Variants in GRIA1 observed in about 807,000 individuals in gnomAD.
The protein encoded by GRIA1 is glutamate receptor 1.
A neutral mutation model predicts 99.2 loss-of-function variants in GRIA1; 31 were observed. The observed-to-expected ratio is 0.31, with a 90% CI of 0.23 to 0.42. The LOEUF is 0.42. GRIA1 is among the 10% of genes least tolerant of loss of function. The probability of loss-of-function intolerance (pLI) is 1.00; values close to 1 mark genes in which losing one functional copy is unlikely to be tolerated. For missense variants in GRIA1, 782 were observed against 1,157.5 expected (o/e 0.68, Z 4.71); for synonymous variants, 438 against 432.4 (o/e 1.01, Z -0.16).
chr5:153,669,716 G>A (rs2149480177), intron 5 of GRIA1, among the ~76,000 whole-genome samples: 1 of 152,278 alleles, frequency 6.6e-6, no homozygotes, highest in Non-Finnish European at 1.5e-5. Flanking sequence ...CTTCATAGAA[G>A]TAACTATTTT....
At position 153,674,507 on chromosome 5, in the gene GRIA1, T is replaced by C. The variant is rs139835449; in HGVS notation, c.707T>C (p.Met236Thr). ...CTCCTCCCCCTCTCACAGGGCTTCA[T>C]GGACATTGACTTAAACAAATTCAAG... ...YHYILANLGF[M>T]DIDLNKFKES... The change falls in exon 6 of 16, where the codon ATG becomes ACG. Residue 236 changes from methionine (M) to threonine (T), a missense_variant. Met to Thr is a moderately conservative substitution (Grantham distance 81). This residue lies in a region of GRIA1 where 461 missense variants were observed against 521.7 expected (regional missense o/e 0.88). Coordinates refer to ENST00000285900, the MANE Select transcript of GRIA1 (RefSeq NM_000827.4). The C allele has an allele frequency of 8.7e-6, 14 of 1,613,992 alleles. No individual in the cohort carries two copies. Among genetic ancestry groups the C allele is most frequent in the Middle Eastern group, 1.6e-4 (1 of 6,080 alleles).
At position 153,770,251 on chromosome 5, in the gene GRIA1, G is replaced by A. The variant is rs768955860; in HGVS notation, c.2106G>A (p.Glu702=). 6.2e-7 allele frequency: 1 copy of A among 1,614,008 alleles called. No individual in the cohort carries two copies. Among genetic ancestry groups the A allele is most frequent in the Admixed American group, 1.7e-5 (1 of 60,002 alleles). Residue 702 remains glutamate (E), a synonymous_variant, in exon 13 of 16, where the codon GAG becomes GAA. Coordinates refer to ENST00000285900, the MANE Select transcript of GRIA1 (RefSeq NM_000827.4). ...CAGTTTTTGTGCGGACCACAGAGGA[G>A]GGGATGATTCGAGTGAGGAAATCCA... is the stretch of plus-strand genomic sequence containing the variant. ...EPSVFVRTTE[E]GMIRVRKSKG...
At chr5:153,496,617 G>T (rs1394087465) in intron 2 of GRIA1, among the ~76,000 whole-genome samples, 2 of 152,152 alleles carry the variant, frequency 1.3e-5, no homozygotes, top group Non-Finnish European at 2.9e-5. Context: ...TTCATGTAAG[G>T]CTAGGAATAC....
chr5:153,751,752 TC>T (rs1209441053), intron 11 of GRIA1, among the ~76,000 whole-genome samples: 5 of 152,166 alleles, frequency 3.3e-5, no homozygotes, highest in African/African-American at 1.2e-4. Context: ...CAGAGAATGG[TC>T]CCATCAGATC....
intron 11 of GRIA1, among the ~76,000 whole-genome samples, chr5:153,749,212 T>G (rs542391520): frequency 6.6e-6 from 1 of 152,258 alleles, no homozygotes; most frequent in African/African-American, 2.4e-5. Flanking sequence ...AGTAACATCT[T>G]TAGCTCTGCC....
chr5:153,738,027 C>A lies in GRIA1; in HGVS notation c.1824-26407C>A, dbSNP rs114555629. ...CCCCTATCCCCACCAGGGTGCTAAA[C>A]TGGGGCTGAGGGACAGGAGCAGGCC... On this transcript the variant is annotated intron_variant, in intron 11 of 15. Coordinates refer to ENST00000285900, the MANE Select transcript of GRIA1 (RefSeq NM_000827.4). Among the ~76,000 whole-genome samples the A allele has an allele frequency of 8.5e-3, 1,297 of 152,318 alleles. 7 individuals are homozygous for A. Among genetic ancestry groups the A allele is most frequent in the South Asian group, 0.014 (67 of 4,830 alleles).
intron 2 of GRIA1, among the ~76,000 whole-genome samples, chr5:153,622,748 T>C (rs1045046359): frequency 2.0e-5 from 3 of 152,192 alleles, no homozygotes; most frequent in South Asian, 2.1e-4. Flanking sequence ...TTTTTTCAGG[T>C]AGTTACTCCA....
chr5:153,637,240 G>A (rs969702344), intron 2 of GRIA1, among the ~76,000 whole-genome samples: 24 of 152,164 alleles, frequency 1.6e-4, no homozygotes, highest in Non-Finnish European at 4.4e-5. Context: ...CATCATGTGA[G>A]GTAGGAGGTT....
Position 153,801,339 on chromosome 5 carries a change from A to G in GRIA1, c.2386-1017A>G, listed in dbSNP as rs553417569. ...CTGGCCACCTCCCACCATGACCATC[A>G]GTTGTGTTTGATTGTTCTCACCACT... On this transcript the variant is annotated intron_variant, in intron 14 of 15. Coordinates refer to ENST00000285900, the MANE Select transcript of GRIA1 (RefSeq NM_000827.4). Among the ~76,000 whole-genome samples, 3 of 139,994 alleles carry G rather than the reference A, an allele frequency of 2.1e-5. No individual in the cohort carries two copies. The South Asian group carries it at 6.7e-4, about 31-fold the overall frequency. The allele number at this position is 139,994 out of a possible 152,430, so 91.8% of individuals were successfully genotyped here.
chr5:153,650,513 A>G lies in GRIA1; in HGVS notation c.644A>G (p.Gln215Arg). ...GAACGCCTCAATGCTATCTTGGGCC[A>G]GGTAGTGAAAGCAGCAAGGGCTCAG... Reference protein sequence around the residue: ...ESERLNAILGQIIKLEKNGIG... With the variant: ...ESERLNAILGRIIKLEKNGIG... The change falls in exon 4 of 16, where the codon CAG becomes CGG. Residue 215 changes from glutamine (Q) to arginine (R), a missense_variant and splice_region_variant. By Grantham distance (43) the Gln-to-Arg change is conservative. Transcript: ENST00000285900. 3 of 1,613,330 alleles carry G rather than the reference A, an allele frequency of 1.9e-6. No homozygotes were observed. The highest frequency in any genetic ancestry group is 1.7e-6 in the Non-Finnish European group (2 of 1,179,554).
chr5:153,712,825 C>T (rs1429258909), intron 11 of GRIA1, among the ~76,000 whole-genome samples: 1 of 152,244 alleles, frequency 6.6e-6, no homozygotes, highest in East Asian at 1.9e-4. Flanking sequence ...CTGCTGGGAC[C>T]CTCTGCGTCA....
intron 8 of GRIA1, among the ~76,000 whole-genome samples, chr5:153,687,786 T>A (rs1757441585): frequency 6.6e-6 from 1 of 152,208 alleles, no homozygotes; most frequent in African/African-American, 2.4e-5. Flanking sequence ...TAGAACCGCA[T>A]CTTCTACCTC....
intron 2 of GRIA1, among the ~76,000 whole-genome samples, chr5:153,538,518 G>A (rs561066845): frequency 6.6e-6 from 1 of 152,044 alleles, no homozygotes; most frequent in Non-Finnish European, 1.5e-5. Context: ...CCAAGGTCTG[G>A]CTATGCCTGC....
chr5:153,689,086 T>C (rs1757554705), intron 8 of GRIA1, among the ~76,000 whole-genome samples: 1 of 151,888 alleles, frequency 6.6e-6, no homozygotes, highest in East Asian at 1.9e-4. Context: ...TGGAGTGCAG[T>C]GGTACTATCA....
At chr5:153,590,638 T>C (rs1346689783) in intron 2 of GRIA1, among the ~76,000 whole-genome samples, 1 of 152,012 alleles carries the variant, frequency 6.6e-6, no homozygotes, top group Non-Finnish European at 1.5e-5. Context: ...ACAGGCTTTG[T>C]GGAAATGATA....
chr5:153,630,766 A>T (rs1178610534), intron 2 of GRIA1, among the ~76,000 whole-genome samples: 1 of 152,192 alleles, frequency 6.6e-6, no homozygotes, highest in African/African-American at 2.4e-5. Context: ...AGGAGAAGTA[A>T]TCATCCTAAA....
intron 8 of GRIA1, among the ~76,000 whole-genome samples, chr5:153,694,478 A>G (rs950816500): frequency 2.0e-5 from 3 of 152,228 alleles, no homozygotes; most frequent in African/African-American, 7.2e-5. Flanking sequence ...ACCTTCAACT[A>G]GGCACTACCC....
At chr5:153,719,744 C>T (rs1451756679) in intron 11 of GRIA1, among the ~76,000 whole-genome samples, 2 of 152,040 alleles carry the variant, frequency 1.3e-5, no homozygotes, top group Non-Finnish European at 1.5e-5. Flanking sequence ...GGGTCAGCAT[C>T]GCATTGTAAG....
At chr5:153,707,442 AT>A (rs1332531889) in intron 11 of GRIA1, among the ~76,000 whole-genome samples, 1 of 152,094 alleles carries the variant, frequency 6.6e-6, no homozygotes, top group Non-Finnish European at 1.5e-5. Context: ...TTCCCCACCA[AT>A]TTGCCTGATA....
Sources: allele counts gnomAD v4.1 joint callset (sites outside exome capture counted in the v4.1 genomes callset), GRCh38; gene constraint gnomAD v4.1.1; regional missense constraint gnomAD v4.1.1; transcripts MANE v1.5; gene names NCBI Gene and HGNC (gene_info 2026-07-23, HGNC 2026-07-21).